DAB1: variants seen among roughly 807,000 people sequenced by gnomAD.
DAB1 encodes the protein DAB adaptor protein 1, also known as disabled homolog 1.
In DAB1, 15 loss-of-function variants were observed where a neutral mutation model predicts 64.6. The observed-to-expected ratio is 0.23, with a 90% CI of 0.16 to 0.36. The LOEUF (loss-of-function observed/expected upper bound fraction) is 0.36. Ranked by LOEUF, DAB1 falls within the 10% of genes least tolerant of loss-of-function variation. The pLI, the probability that DAB1 is intolerant of heterozygous loss-of-function variation, is 1.00. For synonymous variants in DAB1, 235 were observed against 251.9 expected (o/e 0.93, Z 0.64); for missense variants, 596 against 706.7 (o/e 0.84, Z 1.78).
chr1:57,059,393 GCCA>G (rs1650153562), intron 9 of DAB1, among the ~76,000 whole-genome samples: 1 of 152,112 alleles, frequency 6.6e-6, no homozygotes, highest in Non-Finnish European at 1.5e-5. Context: ...AGAGTAACAG[GCCA>G]CTGGGCAGTT....
chr1:57,286,060 C>T (rs888223086), intron 2 of DAB1, among the ~76,000 whole-genome samples: 2 of 152,118 alleles, frequency 1.3e-5, no homozygotes, highest in Admixed American at 6.6e-5. Context: ...ATGAAAAAAA[C>T]AACTTTATTT....
intron 6 of DAB1, among the ~76,000 whole-genome samples, chr1:57,817,279 A>G (rs1651908865): frequency 6.6e-6 from 1 of 152,240 alleles, no homozygotes. Context: ...CAAAGATCCA[A>G]AGCATTGGTA....
At chr1:58,369,616 G>A (rs1039577502) in intron 3 of DAB1, among the ~76,000 whole-genome samples, 2 of 152,196 alleles carry the variant, frequency 1.3e-5, no homozygotes, top group African/African-American at 4.8e-5. Context: ...CCTAGCATGG[G>A]CAAGGAGCTG....
rs186199556 is a variant in DAB1 at position 58,035,507 on chromosome 1, C to A, written n.387+115004G>T. Among the ~76,000 whole-genome samples, 7 of 152,334 alleles carry A rather than the reference C, an allele frequency of 4.6e-5. No individual in the cohort carries two copies. The East Asian group carries it at 1.2e-3, about 25-fold the overall frequency. ...CAACTACATGGAATGAATATTACCA[C>A]CCCATTGCAGATGAGGAAACTGAGG... On this transcript the variant is annotated intron_variant and non_coding_transcript_variant, in intron 5 of 20. Transcript: ENST00000485760.
chr1:57,376,980 G>A (rs187413479), intron 1 of DAB1, among the ~76,000 whole-genome samples: 92 of 152,132 alleles, frequency 6.0e-4, no homozygotes, highest in African/African-American at 2.1e-3. Context: ...TTAAAAGGCC[G>A]GCCACTGTCC....
intron 7 of DAB1, among the ~76,000 whole-genome samples, chr1:57,430,789 A>G (rs1685475693): frequency 6.6e-6 from 1 of 152,166 alleles, no homozygotes; most frequent in African/African-American, 2.4e-5. Flanking sequence ...CTTTTATTAA[A>G]GTTCATGCTT....
chr1:57,794,837 G>C (rs912330995), intron 6 of DAB1, among the ~76,000 whole-genome samples: 1 of 152,166 alleles, frequency 6.6e-6, no homozygotes, highest in African/African-American at 2.4e-5. Context: ...TTCTCACCTA[G>C]ACCTAATTTT....
chr1:57,532,813 T>C (rs181708373), intron 7 of DAB1, among the ~76,000 whole-genome samples: 160 of 152,312 alleles, frequency 1.1e-3, no homozygotes, highest in Admixed American at 2.9e-3. Flanking sequence ...CAGGTAAAAG[T>C]GCCTAGCAAG....
chr1:58,138,412 T>C (rs1475271999), intron 5 of DAB1, among the ~76,000 whole-genome samples: 1 of 152,076 alleles, frequency 6.6e-6, no homozygotes, highest in African/African-American at 2.4e-5. Context: ...CAAAATAAAA[T>C]TTCAACCAGA....
At chr1:57,549,644 C>T (rs961947127) in intron 7 of DAB1, among the ~76,000 whole-genome samples, 6 of 152,090 alleles carry the variant, frequency 3.9e-5, no homozygotes, top group East Asian at 1.9e-4. Context: ...TTGAATGCCT[C>T]GAATAACTGA....
Position 57,758,491 on chromosome 1 carries a change from G to A in DAB1, n.552-108826C>T, listed in dbSNP as rs151108520. Among the ~76,000 whole-genome samples the A allele has an allele frequency of 1.5e-4, 23 of 152,274 alleles. No individual in the cohort carries two copies. The East Asian group carries it at 4.4e-3, about 29-fold the overall frequency. On this transcript the variant is annotated intron_variant and non_coding_transcript_variant, in intron 6 of 20. Transcript: ENST00000485760. ...TGATTGTTTTTATTTTACCATGTAGGGACATGTGCTGGATACGGATTCTAC... is the reference window on the plus strand; with the variant it reads ...TGATTGTTTTTATTTTACCATGTAGAGACATGTGCTGGATACGGATTCTAC...
At chr1:57,261,681 C>T (rs1670192666) in intron 2 of DAB1, among the ~76,000 whole-genome samples, 1 of 152,188 alleles carries the variant, frequency 6.6e-6, no homozygotes, top group Non-Finnish European at 1.5e-5. Context: ...AGCACATCTG[C>T]TGACTAGTGA....
chr1:58,042,560 C>A (rs1472373855), intron 5 of DAB1, among the ~76,000 whole-genome samples: 1 of 152,134 alleles, frequency 6.6e-6, no homozygotes, highest in Admixed American at 6.6e-5. Context: ...ATGCATGGCG[C>A]ATTGAAAACA....
At chr1:58,042,339 T>C (rs1278791383) in intron 5 of DAB1, among the ~76,000 whole-genome samples, 1 of 152,202 alleles carries the variant, frequency 6.6e-6, no homozygotes, top group East Asian at 1.9e-4. Context: ...TTTTTGAACC[T>C]CTAACTTTTA....
At chr1:57,642,493 G>T (rs964900297) in intron 7 of DAB1, among the ~76,000 whole-genome samples, 2 of 152,104 alleles carry the variant, frequency 1.3e-5, no homozygotes, top group Non-Finnish European at 2.9e-5. Context: ...CTACCTCTTT[G>T]CTCAGCCTTC....
intron 5 of DAB1, among the ~76,000 whole-genome samples, chr1:57,906,714 G>A (rs1023694153): frequency 5.3e-5 from 8 of 152,112 alleles, no homozygotes; most frequent in Non-Finnish European, 5.9e-5. Flanking sequence ...GAGGGTACCC[G>A]GGAGGAGAGA....
At chr1:58,257,915 G>A (rs1401088815) in intron 4 of DAB1, among the ~76,000 whole-genome samples, 1 of 152,196 alleles carries the variant, frequency 6.6e-6, no homozygotes, top group Non-Finnish European at 1.5e-5. Context: ...CCTTACACTT[G>A]ATCTTGATCT....
chr1:57,628,767 A>T lies in DAB1; in HGVS notation n.625+20825T>A, dbSNP rs1570686908. 4.6e-5 allele frequency among the ~76,000 whole-genome samples: 7 copies of T among 152,240 alleles called. 1 individual carries two copies. The South Asian group carries it at 1.5e-3, about 32-fold the overall frequency. On this transcript the variant is annotated intron_variant and non_coding_transcript_variant, in intron 7 of 20. Transcript: ENST00000485760. ...ATTTTGTTTCCAGGTGTTACAGCTTATTGGTTATTTCATCTGGCACTTTCA... is the reference window on the plus strand; with the variant it reads ...ATTTTGTTTCCAGGTGTTACAGCTTTTTGGTTATTTCATCTGGCACTTTCA...
At chr1:57,620,111 C>A (rs1286981833) in intron 7 of DAB1, among the ~76,000 whole-genome samples, 1 of 152,130 alleles carries the variant, frequency 6.6e-6, no homozygotes, top group African/African-American at 2.4e-5. Context: ...GGCTTGCGGG[C>A]TTGTTTTCAG....
Sources: allele counts gnomAD v4.1 joint callset (sites outside exome capture counted in the v4.1 genomes callset), GRCh38; gene constraint gnomAD v4.1.1; transcripts MANE v1.5; gene names NCBI Gene and HGNC (gene_info 2026-07-23, HGNC 2026-07-21).